Variants in MTF2 observed in about 807,000 individuals in gnomAD.
The protein encoded by MTF2 is metal-response element-binding transcription factor 2.
In MTF2, 11 loss-of-function variants were observed where a neutral mutation model predicts 79.5. The ratio of observed to expected loss-of-function variants is 0.14; its 90% CI spans 0.09 to 0.23. MTF2 has a LOEUF of 0.23. Among genes scored for constraint, MTF2 ranks in the 10% least tolerant of loss-of-function variants. The pLI is 1.00. For missense variants in MTF2, 486 were observed against 711.2 expected (o/e 0.68, Z 3.60); for synonymous variants, 208 against 232.8 (o/e 0.89, Z 0.97).
intron 1 of MTF2, among the ~76,000 whole-genome samples, chr1:93,095,828 G>A (rs1345909258): frequency 6.6e-6 from 1 of 151,512 alleles, no homozygotes; most frequent in Non-Finnish European, 1.5e-5. Context: ...GCTAATTCTT[G>A]TATTTTTAGT....
At chr1:93,129,817 T>C (rs2101090830) in intron 11 of MTF2, among the ~76,000 whole-genome samples, 1 of 152,330 alleles carries the variant, frequency 6.6e-6, no homozygotes, top group South Asian at 2.1e-4. Context: ...ATTATCTAAG[T>C]GCTAGGCAGT....
chr1:93,127,116 C>CAG, intron 9 of MTF2, 116 bp from the exon 10 acceptor site: 1 of 677,444 alleles, frequency 1.5e-6, no homozygotes, highest in Non-Finnish European at 2.6e-6. Flanking sequence ...GAACTTAGAT[C>CAG]TTCTGACTAC....
rs766711272 is a variant in MTF2, at chr1:93,115,442, C to T, written c.484-28C>T. The T allele has an allele frequency of 5.4e-6, 8 of 1,484,966 alleles. No homozygotes were observed. In the South Asian group the frequency reaches 7.9e-5, roughly 15 times the overall value. 92.0% of individuals were successfully genotyped at this position (1,484,966 alleles called of 1,614,324 possible). ...TGTGTTTAAAATTTTAGCCTTCACTCTTTCACATTTTTTTCCCTCTAATGT... is the reference window on the plus strand; with the variant it reads ...TGTGTTTAAAATTTTAGCCTTCACTTTTTCACATTTTTTTCCCTCTAATGT... On this transcript the variant is annotated intron_variant, in intron 5 of 14. Coordinates refer to ENST00000370298, the MANE Select transcript of MTF2 (RefSeq NM_007358.4).
rs1656216556 is a variant in MTF2, at chr1:93,115,527, A to G, written c.541A>G (p.Thr181Ala). The change falls in exon 6 of 15, where the codon ACA becomes GCA. Residue 181 changes from threonine to alanine, a missense_variant. Physicochemically the swap from Thr to Ala is moderately conservative, Grantham distance 58. Coordinates refer to ENST00000370298, the MANE Select transcript of MTF2 (RefSeq NM_007358.4). ...NAKALQVMKQ[T>A]LPYSVADLEW... The stretch of plus-strand genomic sequence containing the variant: ...CAAAGCATTGCAAGTCATGAAGCAG[A>G]CATTACCCTATAGTGTGGCAGACCT... The G allele has an allele frequency of 6.2e-7, 1 of 1,611,846 alleles. No homozygotes were observed. The highest frequency in any genetic ancestry group is 8.5e-7 in the Non-Finnish European group (1 of 1,179,102).
chr1:93,092,142 A>G (rs1303172498), intron 1 of MTF2, among the ~76,000 whole-genome samples: 2 of 151,946 alleles, frequency 1.3e-5, no homozygotes, highest in African/African-American at 2.4e-5. Context: ...TTTGGCTATA[A>G]TTTTATTTCT....
rs143522189 is a variant in MTF2 at position 93,080,226 on chromosome 1, C to T, written c.5+695C>T. On this transcript the variant is annotated intron_variant, in intron 1 of 14. Transcript: ENST00000370298. ...TAAACCTAACTCATATAATCTACGT[C>T]TAGGATGTAGATTTGTATTGTATTC... 6.6e-5 allele frequency among the ~76,000 whole-genome samples: 10 copies of T among 152,224 alleles called. No individual in the cohort carries two copies. In the East Asian group the frequency reaches 1.9e-3, roughly 29 times the overall value.
chr1:93,136,528 C>A, intron 14 of MTF2, 142 bp from the exon 15 acceptor site: 2 of 694,898 alleles, frequency 2.9e-6, no homozygotes, highest in South Asian at 2.0e-5. Context: ...ATTTATATAG[C>A]ATTTATTGTT....
In MTF2 at chr1:93,100,946, T is replaced by G. The variant is rs559123170; in HGVS notation, c.6-9284T>G. On this transcript the variant is annotated intron_variant, in intron 1 of 14. Coordinates refer to ENST00000370298, the MANE Select transcript of MTF2 (RefSeq NM_007358.4). ...AAAATAGCACTTTTCTTAGGTTATA[T>G]TATATCCTTCACATGCTATTAACCC... 1.4e-3 allele frequency among the ~76,000 whole-genome samples: 211 copies of G among 152,352 alleles called. 4 individuals carry two copies. Among genetic ancestry groups the G allele is most frequent in the Non-Finnish European group, 2.5e-3 (170 of 68,030 alleles).
chr1:93,101,007 T>A (rs973562817), intron 1 of MTF2, among the ~76,000 whole-genome samples: 1 of 152,182 alleles, frequency 6.6e-6, no homozygotes, highest in African/African-American at 2.4e-5. Context: ...AGGGAAGAAA[T>A]TGTGGGCATG....
At chr1:93,081,532 A>G (rs1194175469) in intron 1 of MTF2, among the ~76,000 whole-genome samples, 1 of 152,224 alleles carries the variant, frequency 6.6e-6, no homozygotes, top group Non-Finnish European at 1.5e-5. Flanking sequence ...TCCATGAACG[A>G]TCTTTGATGG....
At chr1:93,110,191 C>T in intron 1 of MTF2, 39 bp from the exon 2 acceptor site, 1 of 1,570,232 alleles carries the variant, frequency 6.4e-7, no homozygotes, top group Middle Eastern at 1.7e-4. Flanking sequence ...ATAAGCTCTA[C>T]AAGTAAGTCT....
intron 11 of MTF2, among the ~76,000 whole-genome samples, chr1:93,133,313 T>C (rs1233776704): frequency 2.6e-5 from 4 of 152,116 alleles, no homozygotes; most frequent in African/African-American, 9.7e-5. Context: ...TAGTAAATCC[T>C]TGAAACATCC....
intron 1 of MTF2, among the ~76,000 whole-genome samples, chr1:93,100,351 C>A (rs1043152508): frequency 1.3e-5 from 2 of 152,186 alleles, no homozygotes; most frequent in African/African-American, 4.8e-5. Context: ...GTCGCCCAGG[C>A]TGGAGTGCAG....
intron 1 of MTF2, among the ~76,000 whole-genome samples, chr1:93,088,034 C>T (rs1256903561): frequency 6.6e-6 from 1 of 152,140 alleles, no homozygotes; most frequent in Non-Finnish European, 1.5e-5. Context: ...CCAGTTCATA[C>T]TTTTGTTTAT....
At chr1:93,108,782 C>G (rs1655911558) in intron 1 of MTF2, among the ~76,000 whole-genome samples, 1 of 151,938 alleles carries the variant, frequency 6.6e-6, no homozygotes, top group Non-Finnish European at 1.5e-5. Flanking sequence ...AAATGTATTT[C>G]TTTCAAACTG....
At chr1:93,105,222 T>C (rs1209079676) in intron 1 of MTF2, among the ~76,000 whole-genome samples, 1 of 151,016 alleles carries the variant, frequency 6.6e-6, no homozygotes, top group African/African-American at 2.4e-5. Flanking sequence ...GGCCGAAGAC[T>C]GAAAAGGGGA....
chr1:93,099,808 A>T (rs1655453233), intron 1 of MTF2, among the ~76,000 whole-genome samples: 1 of 152,210 alleles, frequency 6.6e-6, no homozygotes, highest in Non-Finnish European at 1.5e-5. Flanking sequence ...TGGAAAAAAG[A>T]TTTGAAATTA....
rs1350366036 is a variant in MTF2 at position 93,110,238 on chromosome 1, C to T, written c.14C>T (p.Thr5Ile). 2.0e-5 allele frequency: 32 copies of T among 1,613,958 alleles called. No individual in the cohort carries two copies. Among genetic ancestry groups the T allele is most frequent in the African/African-American group, 2.7e-5 (2 of 75,002 alleles). Residue 5 changes from threonine (T) to isoleucine (I), a missense_variant, in exon 2 of 15, where the codon ACA (threonine) becomes ATA (isoleucine). Around this residue, in one of 4 missense-constraint regions of MTF2, gnomAD observed 75 missense variants for 83.8 expected, o/e 0.89. Coordinates refer to ENST00000370298, the MANE Select transcript of MTF2 (RefSeq NM_007358.4). Reference sequence around the variant, plus strand: ...TTTTATTCTCTAAACAGAGACTCTACAGGGGCAGGTAATTCACTGGTCCAC... The same window carrying T: ...TTTTATTCTCTAAACAGAGACTCTATAGGGGCAGGTAATTCACTGGTCCAC... Reference protein sequence around the residue: MRDSTGAGNSLVHKR... With the variant: MRDSIGAGNSLVHKR...
At position 93,120,807 on chromosome 1, in the gene MTF2, A is replaced by T. The variant is rs903553175; in HGVS notation, c.921+135A>T. ...ATTTTATTTTTAGTTCTGGGGACAA[A>T]TAAGTTTGGTATGGATATCAGGACC... is the stretch of plus-strand genomic sequence containing the variant. On this transcript the variant is annotated intron_variant, in intron 9 of 14. Coordinates refer to ENST00000370298, the MANE Select transcript of MTF2 (RefSeq NM_007358.4). 4 of 1,435,778 alleles carry T rather than the reference A, an allele frequency of 2.8e-6. No individual in the cohort carries two copies. In the African/African-American group the frequency reaches 4.5e-5, roughly 16 times the overall value. 88.9% of individuals were successfully genotyped at this position (1,435,778 alleles called of 1,614,324 possible).
Sources: allele counts gnomAD v4.1 joint callset (sites outside exome capture counted in the v4.1 genomes callset), GRCh38; gene constraint gnomAD v4.1.1; regional missense constraint gnomAD v4.1.1; transcripts MANE v1.5; gene names NCBI Gene and HGNC (gene_info 2026-07-23, HGNC 2026-07-21).